CCDC85A: variants seen among roughly 807,000 people sequenced by gnomAD.
CCDC85A encodes coiled-coil domain containing 85A, also known as coiled-coil domain-containing protein 85A.
A neutral mutation model predicts 50.2 loss-of-function variants in CCDC85A; 38 were observed. The ratio of observed to expected loss-of-function variants is 0.76; its 90% CI spans 0.58 to 0.99. The LOEUF (loss-of-function observed/expected upper bound fraction) is 0.99, where lower values mean the gene tolerates loss of function less well. Ranked by LOEUF, CCDC85A falls within the 50% of genes least tolerant of loss-of-function variation. The pLI is 0.00. For synonymous variants in CCDC85A, 366 were observed against 301.4 expected, an observed-to-expected ratio of 1.21 and a Z score of -2.22; for missense variants, 820 against 742.0, an observed-to-expected ratio of 1.11 and a Z score of -1.22.
At chr2:56,352,557 G>C (rs986878451) in intron 3 of CCDC85A, among the ~76,000 whole-genome samples, 2 of 152,060 alleles carry the variant, frequency 1.3e-5, no homozygotes, top group African/African-American at 2.4e-5. Context: ...TGTTGGCCAG[G>C]GTGGTCTCAA....
intron 2 of CCDC85A, among the ~76,000 whole-genome samples, chr2:56,303,618 A>G (rs1484447378): frequency 3.3e-5 from 5 of 152,144 alleles, no homozygotes; most frequent in Non-Finnish European, 7.4e-5. Context: ...TGAATGAGGA[A>G]TTGGTCCTTA....
chr2:56,220,812 C>T (rs1419249916), intron 2 of CCDC85A, among the ~76,000 whole-genome samples: 2 of 151,954 alleles, frequency 1.3e-5, no homozygotes, highest in East Asian at 1.9e-4. Context: ...CCCTTTGATA[C>T]ATTCTCTTTT....
intron 2 of CCDC85A, among the ~76,000 whole-genome samples, chr2:56,249,889 T>A (rs997572728): frequency 6.6e-6 from 1 of 152,210 alleles, no homozygotes; most frequent in Non-Finnish European, 1.5e-5. Context: ...CTGTGTCCCA[T>A]TAAAATTTAA....
chr2:56,183,863 G>A (rs1572988029), upstream of CCDC85A: 1 of 985,096 alleles, frequency 1.0e-6, no homozygotes, highest in African/African-American at 1.7e-5. Context: ...GGACAGCCGG[G>A]AGCGCACCTC....
chr2:56,212,169 G>C lies in CCDC85A; in HGVS notation c.1240+18729G>C, dbSNP rs943144712. On this transcript the variant is annotated intron_variant, in intron 2 of 5. Transcript: ENST00000407595. ...GCCAAATTCTGCACTGGAAGCCTCT[G>C]CTGGTATTCCGTCATTTTCATTGTG... Among the ~76,000 whole-genome samples, 17 of 151,984 alleles carry C rather than the reference G, an allele frequency of 1.1e-4. 1 individual carries two copies. The East Asian group carries it at 1.2e-3, about 10-fold the overall frequency.
intron 2 of CCDC85A, among the ~76,000 whole-genome samples, chr2:56,326,881 T>G (rs566456751): frequency 6.6e-6 from 1 of 151,642 alleles, no homozygotes; most frequent in African/African-American, 2.4e-5. Context: ...GTGCAAAGAG[T>G]TTTTAAGCAT....
intron 2 of CCDC85A, among the ~76,000 whole-genome samples, chr2:56,313,879 T>C (rs1672801984): frequency 6.6e-6 from 1 of 151,862 alleles, no homozygotes; most frequent in South Asian, 2.1e-4. Flanking sequence ...AGAGGCATTC[T>C]AGTCAGATAG....
intron 2 of CCDC85A, among the ~76,000 whole-genome samples, chr2:56,284,255 C>G (rs1423705142): frequency 1.3e-5 from 2 of 151,980 alleles, no homozygotes. Context: ...TTTATTATGT[C>G]TTTTATTGCT....
At chr2:56,213,164 G>C (rs907734475) in intron 2 of CCDC85A, among the ~76,000 whole-genome samples, 3 of 151,952 alleles carry the variant, frequency 2.0e-5, no homozygotes, top group Non-Finnish European at 4.4e-5. Context: ...CTCTAGTCTT[G>C]GTTAGGGCTC....
At chr2:56,183,957 C>G (rs1675873337), upstream of CCDC85A, 2 of 985,376 alleles carry the variant, frequency 2.0e-6, no homozygotes, top group African/African-American at 1.7e-5. Flanking sequence ...CAGCTCCAGG[C>G]TCCTCCTCCA....
In CCDC85A at chr2:56,384,482, C is replaced by T. The variant is rs1368665730; in HGVS notation, c.*127C>T. On this transcript the variant is annotated 3_prime_UTR_variant, in exon 6 of 6. Transcript: ENST00000407595. Reference sequence around the variant, plus strand: ...TAACATGGAGTGATTGTACATTGCACATATCTCCCCTCTAAAACCTGTAGT... The same window carrying T: ...TAACATGGAGTGATTGTACATTGCATATATCTCCCCTCTAAAACCTGTAGT... 1.4e-6 allele frequency: 1 copy of T among 714,284 alleles called. No homozygotes were observed. Among genetic ancestry groups the T allele is most frequent in the Non-Finnish European group, 2.4e-6 (1 of 421,744 alleles). The allele number at this position is 714,284 out of a possible 1,614,324, so 44.2% of individuals were successfully genotyped here.
intron 5 of CCDC85A, 29 bp from the exon 6 acceptor site, chr2:56,384,237 G>A (rs1316622104): frequency 1.3e-5 from 21 of 1,587,526 alleles, no homozygotes; most frequent in Non-Finnish European, 1.7e-5. Flanking sequence ...GGAAAAGTAA[G>A]ATACTCACTC....
chr2:56,261,963 G>T lies in CCDC85A; in HGVS notation c.1240+68523G>T, dbSNP rs144415500. 2.7e-3 allele frequency among the ~76,000 whole-genome samples: 409 copies of T among 152,274 alleles called. 1 individual carries two copies. Among genetic ancestry groups the T allele is most frequent in the African/African-American group, 9.6e-3 (397 of 41,548 alleles). On this transcript the variant is annotated intron_variant, in intron 2 of 5. Coordinates refer to ENST00000407595, the MANE Select transcript of CCDC85A (RefSeq NM_001080433.2). ...TTAGGATCCAGTGTCCAGGTGGGCCGCAGTGAAAGAGCTAATGAAAGGCAT... is the reference window on the plus strand; with the variant it reads ...TTAGGATCCAGTGTCCAGGTGGGCCTCAGTGAAAGAGCTAATGAAAGGCAT...
chr2:56,222,212 TG>T, intron 2 of CCDC85A, among the ~76,000 whole-genome samples: 1 of 152,278 alleles, frequency 6.6e-6, no homozygotes, highest in South Asian at 2.1e-4. Flanking sequence ...TGATGCATTT[TG>T]CATTGGTTTA....
chr2:56,264,104 C>A (rs903037089), intron 2 of CCDC85A, among the ~76,000 whole-genome samples: 8 of 152,190 alleles, frequency 5.3e-5, no homozygotes, highest in African/African-American at 1.7e-4. Flanking sequence ...ATGTGGCCCT[C>A]AGGCTGTGGG....
At chr2:56,231,294 T>G (rs1212939458) in intron 2 of CCDC85A, among the ~76,000 whole-genome samples, 2 of 152,198 alleles carry the variant, frequency 1.3e-5, no homozygotes, top group Non-Finnish European at 1.5e-5. Flanking sequence ...GGTAGCAGGA[T>G]AAGGTGCTGC....
chr2:56,256,277 C>T (rs983519271), intron 2 of CCDC85A, among the ~76,000 whole-genome samples: 2 of 152,118 alleles, frequency 1.3e-5, no homozygotes, highest in Non-Finnish European at 2.9e-5. Context: ...GAATGAACCT[C>T]CTGGTTGGAA....
rs536488789 is a variant in CCDC85A, at chr2:56,186,716, A to G, written c.276+1816A>G. Among the ~76,000 whole-genome samples, 113 of 152,242 alleles carry G rather than the reference A, an allele frequency of 7.4e-4. 1 individual carries two copies. Among genetic ancestry groups the G allele is most frequent in the Admixed American group, 7.2e-4 (11 of 15,290 alleles). On this transcript the variant is annotated intron_variant, in intron 1 of 5. Transcript: ENST00000407595. ...TTGAAAGTTCCTTTAGGTTATGTGGATTGACTGTGTGTGATGTCTGTGTGT... is the reference window on the plus strand; with the variant it reads ...TTGAAAGTTCCTTTAGGTTATGTGGGTTGACTGTGTGTGATGTCTGTGTGT...
chr2:56,240,666 A>G (rs1226330921), intron 2 of CCDC85A, among the ~76,000 whole-genome samples: 1 of 151,732 alleles, frequency 6.6e-6, no homozygotes, highest in South Asian at 2.1e-4. Context: ...TGTGCCTGCA[A>G]CTCCTTCTTA....
Sources: allele counts gnomAD v4.1 joint callset (sites outside exome capture counted in the v4.1 genomes callset), GRCh38; gene constraint gnomAD v4.1.1; transcripts MANE v1.5; gene names NCBI Gene and HGNC (gene_info 2026-07-23, HGNC 2026-07-21).